The following PAM variants were observed in gnomAD, a reference collection of about 807,000 sequenced individuals.
The protein encoded by PAM is peptidylglycine alpha-amidating monooxygenase.
PAM carries 72 observed loss-of-function variants against 122.1 expected under a neutral mutation model. The ratio of observed to expected loss-of-function variants is 0.59; its 90% CI spans 0.49 to 0.72. PAM has a LOEUF of 0.72. Among genes scored for constraint, PAM ranks in the 30% least tolerant of loss-of-function variants. PAM has a pLI of 0.00. For synonymous variants in PAM, 389 were observed against 404.4 expected, an observed-to-expected ratio of 0.96 and a Z score of 0.46; for missense variants, 1,106 against 1,183.7, an observed-to-expected ratio of 0.93 and a Z score of 0.96.
intron 1 of PAM, among the ~76,000 whole-genome samples, chr5:102,825,050 C>A (rs899764844): frequency 1.3e-5 from 2 of 152,180 alleles, no homozygotes; most frequent in Non-Finnish European, 2.9e-5. Flanking sequence ...TGCGAAAGCA[C>A]CTTTCTTACC....
At chr5:102,807,194 A>G (rs1279153088) in intron 1 of PAM, among the ~76,000 whole-genome samples, 1 of 152,226 alleles carries the variant, frequency 6.6e-6, no homozygotes, top group African/African-American at 2.4e-5. Flanking sequence ...GGAGAAGAAA[A>G]CAATAGCTTT....
At chr5:102,835,826 C>T (rs3909478) in intron 1 of PAM, among the ~76,000 whole-genome samples, 11,793 of 151,908 alleles carry the variant, frequency 0.078, 778 homozygotes, top group African/African-American at 0.17. Flanking sequence ...AAGTATATTT[C>T]ATATGTTTCA....
intron 1 of PAM, among the ~76,000 whole-genome samples, chr5:102,835,794 T>C (rs1776854258): frequency 6.6e-6 from 1 of 152,148 alleles, no homozygotes; most frequent in East Asian, 1.9e-4. Flanking sequence ...ATAACATTTA[T>C]GTATGATTTT....
chr5:102,848,965 G>A (rs1780656763), intron 1 of PAM, among the ~76,000 whole-genome samples: 1 of 151,986 alleles, frequency 6.6e-6, no homozygotes, highest in Admixed American at 6.6e-5. Context: ...CCCATATGAG[G>A]GCACATCAAT....
intron 15 of PAM, among the ~76,000 whole-genome samples, chr5:102,979,986 T>A (rs1769212148): frequency 6.6e-6 from 1 of 152,090 alleles, no homozygotes; most frequent in Admixed American, 6.6e-5. Context: ...TTTCAACTTT[T>A]TAATCATCTT....
chr5:102,797,316 A>G (rs1215501334), intron 1 of PAM, among the ~76,000 whole-genome samples: 2 of 152,198 alleles, frequency 1.3e-5, no homozygotes, highest in Non-Finnish European at 2.9e-5. Context: ...AATGCTCTAA[A>G]TCATAAGATC....
intron 3 of PAM, among the ~76,000 whole-genome samples, chr5:102,886,389 T>C (rs946239345): frequency 1.3e-5 from 2 of 152,028 alleles, no homozygotes; most frequent in African/African-American, 4.8e-5. Flanking sequence ...ATTTTTATAG[T>C]AATTTTGCGG....
At chr5:102,998,058 T>C (rs1278402241) in intron 16 of PAM, among the ~76,000 whole-genome samples, 1 of 152,206 alleles carries the variant, frequency 6.6e-6, no homozygotes, top group Non-Finnish European at 1.5e-5. Flanking sequence ...CTTTGAAATA[T>C]TTGAGCATCT....
intron 3 of PAM, among the ~76,000 whole-genome samples, chr5:102,872,933 C>T (rs921071852): frequency 3.3e-5 from 5 of 151,946 alleles, no homozygotes; most frequent in Non-Finnish European, 7.4e-5. Flanking sequence ...GGAGGGTGGA[C>T]GGAGGGAAAG....
chr5:102,944,363 T>C (rs568774126), intron 7 of PAM, among the ~76,000 whole-genome samples: 147 of 152,238 alleles, frequency 9.7e-4, no homozygotes, highest in African/African-American at 3.4e-3. Context: ...GCCAGGTATT[T>C]GCCTGTGTAC....
Position 102,931,931 on chromosome 5 carries a change from T to C in PAM, c.526+5263T>C, listed in dbSNP as rs111245905. Among the ~76,000 whole-genome samples, 772 of 152,246 alleles carry C rather than the reference T, an allele frequency of 5.1e-3. 7 individuals carry two copies. Among genetic ancestry groups the C allele is most frequent in the African/African-American group, 0.018 (739 of 41,536 alleles). ...TTCCTGGAAGTATAGCCAAAAGTTT[T>C]GCTTTCCTTAGAGTGGGTGTTTAAT... On this transcript the variant is annotated intron_variant, in intron 7 of 25. Coordinates refer to ENST00000438793, the MANE Select transcript of PAM (RefSeq NM_001177306.2).
chr5:102,866,303 G>A lies in PAM; in HGVS notation c.89+19G>A, dbSNP rs770008049. 1.9e-5 allele frequency: 29 copies of A among 1,507,446 alleles called. No individual in the cohort carries two copies. Among genetic ancestry groups the A allele is most frequent in the Non-Finnish European group, 2.7e-5 (29 of 1,082,940 alleles). The allele number at this position is 1,507,446 out of a possible 1,614,324, so 93.4% of individuals were successfully genotyped here. ...TTAAGAGGTGGGTGTTCGTTGTTCG[G>A]GTGCTTTCTGTGCATGCTGTTGAGA... On this transcript the variant is annotated intron_variant, in intron 2 of 25. Transcript: ENST00000438793.
chr5:102,758,478 GTA>G (rs2149644498), intron 1 of PAM, among the ~76,000 whole-genome samples: 1 of 152,298 alleles, frequency 6.6e-6, no homozygotes, highest in East Asian at 1.9e-4. Flanking sequence ...CTTCTTGTGT[GTA>G]TAAGAACTTT....
In PAM at chr5:102,818,025, A is replaced by AG. The variant is rs1491409324; in HGVS notation, c.-373-47798_-373-47797insG. On this transcript the variant is annotated intron_variant, in intron 1 of 25. Coordinates refer to ENST00000438793, the MANE Select transcript of PAM (RefSeq NM_001177306.2). Reference sequence around the variant, plus strand: ...AACCTACTTAAACTTTTTTTTTCTCAAAAAAAAAAAAAAAAAAAAAAAGAC... The same window carrying AG: ...AACCTACTTAAACTTTTTTTTTCTCAGAAAAAAAAAAAAAAAAAAAAAAGAC... Among the ~76,000 whole-genome samples the AG allele has an allele frequency of 5.9e-5, 6 of 101,016 alleles. No individual in the cohort carries two copies. The South Asian group carries it at 1.9e-3, about 33-fold the overall frequency. The allele number at this position is 101,016 out of a possible 152,430, so 66.3% of individuals were successfully genotyped here. A position where few individuals can be genotyped will look rare whatever the true frequency, so the allele number is the denominator to read the frequency against.
At chr5:102,942,667 C>T (rs774570083) in intron 7 of PAM, among the ~76,000 whole-genome samples, 13 of 151,602 alleles carry the variant, frequency 8.6e-5, no homozygotes, top group Non-Finnish European at 1.8e-4. Context: ...ACTGCAGCCT[C>T]GACCTCCCAG....
At chr5:102,975,053 A>G (rs1486165969) in intron 15 of PAM, among the ~76,000 whole-genome samples, 1 of 152,206 alleles carries the variant, frequency 6.6e-6, no homozygotes, top group African/African-American at 2.4e-5. Flanking sequence ...ATAGGCTTCC[A>G]TAAGTAGAGG....
At chr5:102,862,493 C>T (rs1371298661) in intron 1 of PAM, among the ~76,000 whole-genome samples, 2 of 152,086 alleles carry the variant, frequency 1.3e-5, no homozygotes, top group Non-Finnish European at 2.9e-5. Context: ...GTAAGTCATT[C>T]AAGGAAACTG....
intron 7 of PAM, among the ~76,000 whole-genome samples, chr5:102,942,736 A>ATTT (rs754559996): frequency 7.2e-6 from 1 of 138,472 alleles, no homozygotes. Context: ...TGCCCGGCTA[A>ATTT]TTTTTTTTTT....
chr5:102,871,634 T>C (rs1158636182), intron 3 of PAM, among the ~76,000 whole-genome samples: 1 of 149,934 alleles, frequency 6.7e-6, no homozygotes, highest in Non-Finnish European at 1.5e-5. Context: ...CATCTTTATA[T>C]TGCTTGGAGG....
Sources: gnomAD v4.1 joint callset for allele counts (sites outside exome capture counted in the v4.1 genomes callset) on GRCh38, gnomAD v4.1.1 for gene constraint, MANE v1.5 for transcripts, NCBI Gene and HGNC (gene_info 2026-07-23, HGNC 2026-07-21) for gene names.